Variants in FAT4 observed in about 807,000 individuals in gnomAD.
FAT4 encodes the protein FAT atypical cadherin 4.
Under a neutral mutation model 303.9 loss-of-function variants are expected in FAT4, and 84 were observed. The ratio of observed to expected loss-of-function variants is 0.28; its 90% CI spans 0.23 to 0.33. FAT4 has a LOEUF of 0.33. FAT4 is among the 10% of genes least tolerant of loss of function. The pLI, the probability that FAT4 is intolerant of heterozygous loss-of-function variation, is 1.00. For synonymous variants in FAT4, 2,307 were observed against 2,298.8 expected (o/e 1.00, Z -0.10); for missense variants, 6,005 against 6,146.8 (o/e 0.98, Z 0.77).
chr4:125,440,610 T>TGTGTGAGAGAGAGAGAGAGAGA (rs372756130), intron 8 of FAT4, among the ~76,000 whole-genome samples: 87 of 75,748 alleles, frequency 1.1e-3, no homozygotes, highest in East Asian at 2.7e-3. Context: ...TGTGTGTGTG[T>TGTGTGAGAGAGAGAGAGAGAGA]GAGAGAGAGA....
rs768205553 is a variant in FAT4 at position 125,317,703 on chromosome 4, T to A, written c.1292T>A (p.Ile431Asn). Residue 431 changes from isoleucine (I) to asparagine (N), a missense_variant, in exon 2 of 18, where the codon ATC becomes AAC. By Grantham distance (149) the Ile-to-Asn change is moderately radical. Coordinates refer to ENST00000394329, the MANE Select transcript of FAT4 (RefSeq NM_001291303.3). The surrounding 1 kb of genome is among the most constrained non-coding windows in gnomAD (Gnocchi z 7.0). ...GCCAGCGCCTTGGACCGCGAGCGCA[T>A]CCCTTCCTACAACCTCACAGTTTCC... Reference protein sequence around the residue: ...KVASALDRERIPSYNLTVSVS... With the variant: ...KVASALDRERNPSYNLTVSVS... The A allele has an allele frequency of 6.2e-6, 10 of 1,613,924 alleles. No homozygotes were observed. In the African/African-American group the frequency reaches 1.2e-4, roughly 19 times the overall value.
intron 2 of FAT4, among the ~76,000 whole-genome samples, chr4:125,397,679 T>G (rs1419198856): frequency 6.6e-6 from 1 of 152,212 alleles, no homozygotes; most frequent in Non-Finnish European, 1.5e-5. Flanking sequence ...TGTCTAGCTC[T>G]TGTATATTTC....
intron 17 of FAT4, 129 bp from the exon 18 acceptor site, chr4:125,489,772 T>C: frequency 2.9e-6 from 2 of 687,474 alleles, no homozygotes; most frequent in Non-Finnish European, 4.6e-6. Context: ...GAGACTGAGG[T>C]TTCTGTATTC....
chr4:125,424,672 A>T (rs922034879), intron 7 of FAT4, among the ~76,000 whole-genome samples: 1 of 152,210 alleles, frequency 6.6e-6, no homozygotes, highest in Non-Finnish European at 1.5e-5. Context: ...GGTGCTGAAG[A>T]TAGGCTGGTG....
chr4:125,404,558 AT>A (rs1208756320), intron 3 of FAT4, among the ~76,000 whole-genome samples: 4 of 152,124 alleles, frequency 2.6e-5, no homozygotes, highest in Non-Finnish European at 5.9e-5. Flanking sequence ...ATACGCTTTT[AT>A]TTTTATTTTA....
At position 125,317,361 on chromosome 4, in the gene FAT4, G is replaced by A; in HGVS notation, c.950G>A (p.Arg317His). The A allele has an allele frequency of 6.2e-7, 1 of 1,613,162 alleles. No homozygotes were observed. Among genetic ancestry groups the A allele is most frequent in the African/African-American group, 1.3e-5 (1 of 75,076 alleles). The change falls in exon 2 of 18, where the codon CGC becomes CAC. Residue 317 changes from arginine to histidine, a missense_variant. Arg to His is a conservative substitution (Grantham distance 29). Coordinates refer to ENST00000394329, the MANE Select transcript of FAT4 (RefSeq NM_001291303.3). This position sits in a 1 kb window ranked among gnomAD's most constrained non-coding sequence, Gnocchi z 7.0. ...GAGCCCCTGGACTTCGAAGCTCGGC[G>A]CCAATACTCGCTTACGGTGCAGGCG... is the stretch of plus-strand genomic sequence containing the variant. ...VREPLDFEAR[R>H]QYSLTVQAMD...
At chr4:125,489,870 T>TTTTTTTTTTTAA in intron 17 of FAT4, 31 bp from the exon 18 acceptor site, 1 of 1,185,628 alleles carries the variant, frequency 8.4e-7, no homozygotes, top group Non-Finnish European at 1.1e-6. Flanking sequence ...TTTTTTTTTG[T>TTTTTTTTTTTAA]AAAAAGCCTT....
At chr4:125,324,465 T>A (rs1468964440) in intron 2 of FAT4, among the ~76,000 whole-genome samples, 1 of 152,162 alleles carries the variant, frequency 6.6e-6, no homozygotes, top group African/African-American at 2.4e-5. Flanking sequence ...TATGTCTTTA[T>A]AACTTGGGAA....
chr4:125,397,046 T>C (rs988445571), intron 2 of FAT4, among the ~76,000 whole-genome samples: 4 of 151,314 alleles, frequency 2.6e-5, no homozygotes, highest in African/African-American at 4.8e-5. Context: ...CAGTTGAACC[T>C]GTATGTGGGA....
chr4:125,346,415 T>A (rs372968400), intron 2 of FAT4, among the ~76,000 whole-genome samples: 3 of 148,160 alleles, frequency 2.0e-5, no homozygotes, highest in East Asian at 3.9e-4. Flanking sequence ...ATGGCTATAC[T>A]TTTTTTTTGA....
chr4:125,491,489 G>A lies in FAT4; in HGVS notation c.14673G>A (p.Lys4891=), dbSNP rs1428610986. ...DDEDNYGARL[K]PRRYHGRRAE... is the part of the protein sequence containing the mutation. ...AAGATAATTATGGAGCCAGACTGAAGCCTCGAAGGTACCACGGTCGCAGGG... is the reference window on the plus strand; with the variant it reads ...AAGATAATTATGGAGCCAGACTGAAACCTCGAAGGTACCACGGTCGCAGGG... Residue 4891 remains lysine, a synonymous_variant, in exon 18 of 18, where the codon AAG becomes AAA. Coordinates refer to ENST00000394329, the MANE Select transcript of FAT4 (RefSeq NM_001291303.3). 6.2e-7 allele frequency: 1 copy of A among 1,614,150 alleles called. No homozygotes were observed. The highest frequency in any genetic ancestry group is 1.7e-5 in the Admixed American group (1 of 60,020).
In FAT4 at chr4:125,444,156, TTGTC is replaced by T. The variant is rs373409092; in HGVS notation, c.7200-2133_7200-2130del. ...ATCAGAATTTATACCATAGGTTTCT[TTGTC>T]TGTTTTGTGCTGCTATAGCTACAGA... is the stretch of plus-strand genomic sequence containing the variant. On this transcript the variant is annotated intron_variant, in intron 8 of 17. Transcript: ENST00000394329. 2.0e-3 allele frequency among the ~76,000 whole-genome samples: 312 copies of T among 152,296 alleles called. 2 individuals carry two copies. The highest frequency in any genetic ancestry group is 6.8e-3 in the African/African-American group (284 of 41,572).
intron 14 of FAT4, among the ~76,000 whole-genome samples, chr4:125,478,124 A>G (rs1043142692): frequency 6.6e-6 from 1 of 152,202 alleles, no homozygotes; most frequent in Non-Finnish European, 1.5e-5. Flanking sequence ...CTTTGCTCAC[A>G]TTATTTTTTG....
rs775483356 is a variant in FAT4 at position 125,319,195 on chromosome 4, A to G, written c.2784A>G (p.Val928=). 4 of 1,614,078 alleles carry G rather than the reference A, an allele frequency of 2.5e-6. No homozygotes were observed. In the Admixed American group the frequency reaches 5.0e-5, roughly 20 times the overall value. Residue 928 remains valine, a synonymous_variant, in exon 2 of 18, where the codon GTA becomes GTG. Coordinates refer to ENST00000394329, the MANE Select transcript of FAT4 (RefSeq NM_001291303.3). The part of the protein sequence containing the change: ...VDPDEGVNGM[V]LYSLKQNPKN... ...CTGATGAAGGTGTCAATGGCATGGT[A>G]CTCTATAGTCTGAAGCAAAACCCCA...
intron 2 of FAT4, among the ~76,000 whole-genome samples, chr4:125,338,725 A>T (rs1731664528): frequency 1.3e-5 from 2 of 152,128 alleles, no homozygotes; most frequent in Non-Finnish European, 2.9e-5. Flanking sequence ...GAGATTATTT[A>T]TCCTGTCTGA....
chr4:125,328,378 G>A (rs2125954517), intron 2 of FAT4, among the ~76,000 whole-genome samples: 1 of 152,226 alleles, frequency 6.6e-6, no homozygotes, highest in Non-Finnish European at 1.5e-5. Flanking sequence ...GTCATGAAGA[G>A]GAAACAATCT....
At chr4:125,363,327 A>C (rs576645442) in intron 2 of FAT4, among the ~76,000 whole-genome samples, 1 of 151,956 alleles carries the variant, frequency 6.6e-6, no homozygotes, top group South Asian at 2.1e-4. Flanking sequence ...ATATGTAGCC[A>C]CTTTTTAATA....
At chr4:125,340,263 G>A (rs1731731799) in intron 2 of FAT4, among the ~76,000 whole-genome samples, 1 of 152,056 alleles carries the variant, frequency 6.6e-6, no homozygotes, top group African/African-American at 2.4e-5. Context: ...CTCTTAGGTG[G>A]ATATTTATTT....
At chr4:125,373,757 A>G (rs1412823108) in intron 2 of FAT4, among the ~76,000 whole-genome samples, 1 of 152,102 alleles carries the variant, frequency 6.6e-6, no homozygotes, top group Non-Finnish European at 1.5e-5. Context: ...AGGCAAAACA[A>G]TTTTCCAGGG....
Sources: allele counts gnomAD v4.1 joint callset (sites outside exome capture counted in the v4.1 genomes callset), GRCh38; gene constraint gnomAD v4.1.1; non-coding constraint Gnocchi (gnomAD v3.1); transcripts MANE v1.5; gene names NCBI Gene and HGNC (gene_info 2026-07-23, HGNC 2026-07-21).